The following TSC22D1 variants were observed in gnomAD, a reference collection of about 807,000 sequenced individuals.
TSC22D1 encodes the protein TSC22 domain family member 1.
Under a neutral mutation model 74.2 loss-of-function variants are expected in TSC22D1, and 9 were observed. The ratio of observed to expected loss-of-function variants is 0.12; its 90% CI spans 0.07 to 0.21. The LOEUF (loss-of-function observed/expected upper bound fraction) is 0.21. Among genes scored for constraint, TSC22D1 ranks in the 10% least tolerant of loss-of-function variants. The probability of loss-of-function intolerance (pLI) is 1.00; values close to 1 mark genes in which losing one functional copy is unlikely to be tolerated. For synonymous variants in TSC22D1, 586 were observed against 492.5 expected (o/e 1.19, Z -2.51); for missense variants, 1,427 against 1,304.7 (o/e 1.09, Z -1.44).
chr13:44,541,002 T>C (rs1438586101), intron 1 of TSC22D1, among the ~76,000 whole-genome samples: 2 of 150,430 alleles, frequency 1.3e-5, no homozygotes, highest in East Asian at 3.8e-4. Context: ...ATCCTATTTC[T>C]AGGACATGTT....
intron 1 of TSC22D1, among the ~76,000 whole-genome samples, chr13:44,464,292 T>C (rs1214968053): frequency 3.9e-5 from 6 of 152,222 alleles, no homozygotes; most frequent in African/African-American, 1.2e-4. Flanking sequence ...TAAGGTTATG[T>C]CACTTTCATT....
chr13:44,550,846 G>A (rs1172477698), intron 1 of TSC22D1, among the ~76,000 whole-genome samples: 2 of 151,834 alleles, frequency 1.3e-5, no homozygotes, highest in Non-Finnish European at 1.5e-5. Context: ...GGAGGCCAAC[G>A]TGGGAGAATC....
intron 1 of TSC22D1, among the ~76,000 whole-genome samples, chr13:44,545,583 A>G (rs9525980): frequency 0.099 from 12,981 of 131,510 alleles, 692 homozygotes; most frequent in Non-Finnish European, 0.13. Context: ...TAAGGTACTG[A>G]AAAAAAAAAA....
At chr13:44,566,159 A>T (rs1402243046) in intron 1 of TSC22D1, among the ~76,000 whole-genome samples, 1 of 151,844 alleles carries the variant, frequency 6.6e-6, no homozygotes, top group Non-Finnish European at 1.5e-5. Context: ...CCTATTTTTT[A>T]GGTTTTCAGA....
chr13:44,533,455 A>G lies in TSC22D1; in HGVS notation c.2912+39708T>C, dbSNP rs184944304. Among the ~76,000 whole-genome samples, 391 of 148,414 alleles carry G rather than the reference A, an allele frequency of 2.6e-3. 6 individuals are homozygous for G. Among genetic ancestry groups the G allele is most frequent in the Admixed American group, 0.025 (369 of 15,008 alleles). The stretch of plus-strand genomic sequence containing the variant: ...AGCTTAGGTAAGAGTAAGACTCTGT[A>G]TCAAATAAAATTAAAAAAAAAAAAA... On this transcript the variant is annotated intron_variant, in intron 1 of 2. Coordinates refer to ENST00000458659, the MANE Select transcript of TSC22D1 (RefSeq NM_183422.4).
rs1290199862 is a variant in TSC22D1, at chr13:44,433,014, G to T, written c.*1612C>A. The T allele has an allele frequency of 6.6e-6, 1 of 152,088 alleles. No individual in the cohort carries two copies. Among genetic ancestry groups the T allele is most frequent in the Non-Finnish European group, 1.5e-5 (1 of 68,018 alleles). The allele number at this position is 152,088 out of a possible 1,614,324, so 9.4% of individuals were successfully genotyped here. The stretch of plus-strand genomic sequence containing the variant: ...AAATCATCTTTTGCTTAGACAAAAC[G>T]AATTATCCCAGGAGCTAGAAACTCA... On this transcript the variant is annotated 3_prime_UTR_variant, in exon 3 of 3. Transcript: ENST00000458659.
chr13:44,539,159 A>G, intron 1 of TSC22D1: 1 of 985,332 alleles, frequency 1.0e-6, no homozygotes, highest in African/African-American at 1.7e-5. Flanking sequence ...ACTTTTGAGT[A>G]TATTAAACAT....
At chr13:44,439,121 G>T (rs1225349226) in intron 1 of TSC22D1, among the ~76,000 whole-genome samples, 2 of 152,172 alleles carry the variant, frequency 1.3e-5, no homozygotes, top group East Asian at 3.8e-4. Context: ...TCAAGCAAGA[G>T]AAGCAAATAT....
At position 44,535,914 on chromosome 13, in the gene TSC22D1, T is replaced by C. The variant is rs904709602; in HGVS notation, c.2912+37249A>G. Among the ~76,000 whole-genome samples the C allele has an allele frequency of 1.3e-5, 2 of 151,984 alleles. 1 individual carries two copies. The highest frequency in any genetic ancestry group is 4.1e-4 in the South Asian group (2 of 4,830). On this transcript the variant is annotated intron_variant, in intron 1 of 2. Coordinates refer to ENST00000458659, the MANE Select transcript of TSC22D1 (RefSeq NM_183422.4). Reference sequence around the variant, plus strand: ...TTTCCAATGCAGGGTGTATTTTAACTTCCATGCCCAACCTACCCTTTCATA... The same window carrying C: ...TTTCCAATGCAGGGTGTATTTTAACCTCCATGCCCAACCTACCCTTTCATA...
chr13:44,465,449 T>C (rs1161789548), intron 1 of TSC22D1, among the ~76,000 whole-genome samples: 3 of 152,146 alleles, frequency 2.0e-5, no homozygotes, highest in Non-Finnish European at 4.4e-5. Context: ...CAGAATCATG[T>C]AGGAAGCTTT....
rs1310100694 is a variant in TSC22D1, at chr13:44,434,615, G to T, written c.*11C>A. ...CACACGCAGCAGCCAGTTCTGCGGG[G>T]GCATAGGCAGCTATGCGGTTGGTCC... On this transcript the variant is annotated 3_prime_UTR_variant, in exon 3 of 3. Coordinates refer to ENST00000458659, the MANE Select transcript of TSC22D1 (RefSeq NM_183422.4). 1 of 1,517,928 alleles carries T rather than the reference G, an allele frequency of 6.6e-7. No individual in the cohort carries two copies. 94.0% of individuals were successfully genotyped at this position (1,517,928 alleles called of 1,614,324 possible). A position where few individuals can be genotyped will look rare whatever the true frequency, so the allele number is the denominator to read the frequency against.
At chr13:44,545,650 G>A (rs943149818) in intron 1 of TSC22D1, among the ~76,000 whole-genome samples, 4 of 150,764 alleles carry the variant, frequency 2.7e-5, no homozygotes, top group East Asian at 3.9e-4. Flanking sequence ...GTTGCGTTAC[G>A]TTCATAAGAG....
In TSC22D1 at chr13:44,434,870, C is replaced by T. The variant is rs1874404899; in HGVS notation, c.2978G>A (p.Ser993Asn). 1 of 1,612,720 alleles carries T rather than the reference C, an allele frequency of 6.2e-7. No homozygotes were observed. Among genetic ancestry groups the T allele is most frequent in the Non-Finnish European group, 8.5e-7 (1 of 1,179,512 alleles). The change falls in exon 3 of 3, where the codon AGC becomes AAC. Residue 993 changes from serine to asparagine, a missense_variant. Around this residue, in one of 3 missense-constraint regions of TSC22D1, gnomAD observed 21 missense variants for 62.7 expected, o/e 0.34. Transcript: ENST00000458659. ...KIEQAMDLVKSHLMYAVREEV... is the reference protein window; with the variant it reads ...KIEQAMDLVKNHLMYAVREEV... ...TTCTCTGACCGCATACATCAAATGG[C>T]TTTTCACTAGATCCTGGAAAGAAGA...
At chr13:44,539,011 T>C (rs955473233) in intron 1 of TSC22D1, 2 of 985,394 alleles carry the variant, frequency 2.0e-6, no homozygotes, top group East Asian at 1.1e-4. Flanking sequence ...CTACCCATTG[T>C]AGGTGATAAG....
rs1186222174 is a variant in TSC22D1, at chr13:44,573,995, G to A, written c.2080C>T (p.Leu694=). Reference sequence around the variant, plus strand: ...GGGACTGCTGTGGGCTGCACTGGCAGCTGGATACCCTGTGGCTGAGCCACA... The same window carrying A: ...GGGACTGCTGTGGGCTGCACTGGCAACTGGATACCCTGTGGCTGAGCCACA... ...IPVAQPQGIQ[L]PVQPTAVPAQ... is the part of the protein sequence containing the mutation. Residue 694 remains leucine, a synonymous_variant, in exon 1 of 3, where the codon CTG becomes TTG. Coordinates refer to ENST00000458659, the MANE Select transcript of TSC22D1 (RefSeq NM_183422.4). 6.2e-7 allele frequency: 1 copy of A among 1,614,016 alleles called. No individual in the cohort carries two copies. The highest frequency in any genetic ancestry group is 1.1e-5 in the South Asian group (1 of 91,090).
At chr13:44,533,411 G>T (rs1217539163) in intron 1 of TSC22D1, among the ~76,000 whole-genome samples, 1 of 150,650 alleles carries the variant, frequency 6.6e-6, no homozygotes, top group Non-Finnish European at 1.5e-5. Context: ...AGTGAGCTGA[G>T]ATCTTGCCAC....
chr13:44,491,292 G>T (rs192251583), intron 1 of TSC22D1, among the ~76,000 whole-genome samples: 1 of 152,172 alleles, frequency 6.6e-6, no homozygotes, highest in Non-Finnish European at 1.5e-5. Flanking sequence ...AGTGGCTCAC[G>T]CCTGTAATCC....
At chr13:44,492,304 AAC>A (rs1468695375) in intron 1 of TSC22D1, among the ~76,000 whole-genome samples, 1 of 152,202 alleles carries the variant, frequency 6.6e-6, no homozygotes, top group African/African-American at 2.4e-5. Flanking sequence ...CCTATTTTAT[AAC>A]AGTGTTGAAT....
At chr13:44,493,138 AC>A (rs1206848919) in intron 1 of TSC22D1, among the ~76,000 whole-genome samples, 1 of 152,222 alleles carries the variant, frequency 6.6e-6, no homozygotes, top group Non-Finnish European at 1.5e-5. Flanking sequence ...TCAAAGGTTT[AC>A]AGCAACTAAG....
Sources: gnomAD v4.1 joint callset for allele counts (sites outside exome capture counted in the v4.1 genomes callset) on GRCh38, gnomAD v4.1.1 for gene constraint, gnomAD v4.1.1 regional missense constraint, MANE v1.5 for transcripts, NCBI Gene and HGNC (gene_info 2026-07-23, HGNC 2026-07-21) for gene names.